RBFOX1: variants seen among roughly 807,000 people sequenced by gnomAD.
RBFOX1 encodes RNA binding fox-1 homolog 1.
Under a neutral mutation model 57.7 loss-of-function variants are expected in RBFOX1, and 8 were observed. That is an observed-to-expected ratio of 0.14 (90% CI 0.08 to 0.25). The LOEUF is 0.25. Ranked by LOEUF, RBFOX1 falls within the 10% of genes least tolerant of loss-of-function variation. The pLI, the probability that RBFOX1 is intolerant of heterozygous loss-of-function variation, is 1.00. For synonymous variants in RBFOX1, 326 were observed against 222.4 expected (o/e 1.47, Z -4.15); for missense variants, 611 against 548.5 (o/e 1.11, Z -1.14).
At chr16:6,124,944 C>T (rs1329394917) in intron 1 of RBFOX1, among the ~76,000 whole-genome samples, 1 of 152,158 alleles carries the variant, frequency 6.6e-6, no homozygotes, top group Non-Finnish European at 1.5e-5. Flanking sequence ...CCAGCCTTAC[C>T]ATTTGGTGAA....
chr16:5,963,528 T>G (rs936664297), intron 4 of RBFOX1, among the ~76,000 whole-genome samples: 5 of 152,136 alleles, frequency 3.3e-5, no homozygotes, highest in Admixed American at 1.3e-4. Context: ...TTATAGTAAT[T>G]AAAACACTAT....
intron 3 of RBFOX1, among the ~76,000 whole-genome samples, chr16:6,854,914 T>A (rs1258920580): frequency 6.6e-6 from 1 of 151,976 alleles, no homozygotes; most frequent in Non-Finnish European, 1.5e-5. Flanking sequence ...ATTTTTTTAT[T>A]CTGGTTTCTA....
intron 3 of RBFOX1, among the ~76,000 whole-genome samples, chr16:6,997,560 A>G (rs1293618627): frequency 6.6e-6 from 1 of 152,156 alleles, no homozygotes; most frequent in Non-Finnish European, 1.5e-5. Context: ...GTGTATGCAA[A>G]TTGCACAGCC....
At chr16:6,071,227 G>A (rs889543332) in intron 1 of RBFOX1, among the ~76,000 whole-genome samples, 3 of 152,108 alleles carry the variant, frequency 2.0e-5, no homozygotes, top group Non-Finnish European at 4.4e-5. Flanking sequence ...AGGCTGAGAT[G>A]GGAGGATCGT....
rs140090450 is a variant in RBFOX1 at position 7,645,795 on chromosome 16, T to C, written c.758-8020T>C. On this transcript the variant is annotated intron_variant, in intron 11 of 15. Transcript: ENST00000550418. ...CAGCAGTATTTAATATCAACATGCA[T>C]TTCATACTGAAACAAGGGTCAATCC... is the stretch of plus-strand genomic sequence containing the variant. Among the ~76,000 whole-genome samples the C allele has an allele frequency of 1.2e-4, 18 of 152,334 alleles. 1 individual carries two copies. The highest frequency in any genetic ancestry group is 4.1e-4 in the South Asian group (2 of 4,828).
At chr16:7,152,766 C>T (rs2076339027) in intron 4 of RBFOX1, among the ~76,000 whole-genome samples, 1 of 152,108 alleles carries the variant, frequency 6.6e-6, no homozygotes, top group African/African-American at 2.4e-5. Context: ...TAATGGGGTC[C>T]AGGTACGATA....
chr16:6,643,701 A>G (rs890230397), intron 2 of RBFOX1, among the ~76,000 whole-genome samples: 1 of 152,128 alleles, frequency 6.6e-6, no homozygotes, highest in Non-Finnish European at 1.5e-5. Flanking sequence ...GCTTTTAATC[A>G]TCGGAGTGGT....
intron 4 of RBFOX1, among the ~76,000 whole-genome samples, chr16:7,209,745 C>G (rs1425113635): frequency 6.6e-6 from 1 of 152,164 alleles, no homozygotes; most frequent in Non-Finnish European, 1.5e-5. Flanking sequence ...GGGCAGGAGT[C>G]TTGTCTGAGT....
chr16:7,034,501 C>G (rs113959280), intron 3 of RBFOX1, among the ~76,000 whole-genome samples: 2 of 152,168 alleles, frequency 1.3e-5, no homozygotes, highest in African/African-American at 4.8e-5. Flanking sequence ...CCATCTATCT[C>G]TAGGGCACTT....
At chr16:7,498,527 G>A (rs764020434) in intron 4 of RBFOX1, among the ~76,000 whole-genome samples, 1 of 152,040 alleles carries the variant, frequency 6.6e-6, no homozygotes, top group Non-Finnish European at 1.5e-5. Flanking sequence ...TATTCAAGCA[G>A]ATATATCCCA....
intron 1 of RBFOX1, among the ~76,000 whole-genome samples, chr16:6,283,426 A>T (rs560168031): frequency 2.1e-4 from 32 of 152,174 alleles, no homozygotes; most frequent in Non-Finnish European, 3.8e-4. Context: ...TTCTGTTTTT[A>T]TCCCAGTCCT....
intron 4 of RBFOX1, among the ~76,000 whole-genome samples, chr16:7,323,980 T>C (rs554293667): frequency 6.6e-6 from 1 of 152,236 alleles, no homozygotes; most frequent in East Asian, 1.9e-4. Flanking sequence ...TCAAATCAGT[T>C]TTGGAAAGTC....
At chr16:5,356,962 G>A (rs1343498697) in intron 1 of RBFOX1, among the ~76,000 whole-genome samples, 1 of 152,284 alleles carries the variant, frequency 6.6e-6, no homozygotes, top group East Asian at 1.9e-4. Context: ...AAGCCTCACA[G>A]GTACCCAGTG....
At chr16:7,629,919 C>T (rs921735426) in intron 10 of RBFOX1, among the ~76,000 whole-genome samples, 5 of 152,198 alleles carry the variant, frequency 3.3e-5, no homozygotes, top group African/African-American at 2.4e-5. Flanking sequence ...ATTCTCTCAT[C>T]CAGTGTCCAG....
At chr16:6,349,903 T>C (rs2085996861) in intron 2 of RBFOX1, among the ~76,000 whole-genome samples, 2 of 152,194 alleles carry the variant, frequency 1.3e-5, no homozygotes, top group South Asian at 4.1e-4. Context: ...AACTCGTGTC[T>C]TCTACAGGGG....
intron 2 of RBFOX1, among the ~76,000 whole-genome samples, chr16:6,596,615 G>C (rs2097779114): frequency 7.0e-6 from 1 of 143,286 alleles, no homozygotes; most frequent in Admixed American, 6.7e-5. Flanking sequence ...AAAAGTCTCA[G>C]CTGGAAAATA....
At chr16:6,135,381 A>C (rs556267999) in intron 1 of RBFOX1, among the ~76,000 whole-genome samples, 1 of 152,330 alleles carries the variant, frequency 6.6e-6, no homozygotes, top group African/African-American at 2.4e-5. Flanking sequence ...CATAGAATTC[A>C]GTGCAGGTAT....
chr16:6,546,787 C>G (rs931928550), intron 2 of RBFOX1, among the ~76,000 whole-genome samples: 1 of 152,152 alleles, frequency 6.6e-6, no homozygotes, highest in Non-Finnish European at 1.5e-5. Context: ...ATATCCTATT[C>G]CATTTTCACA....
At chr16:6,247,018 C>A (rs181166956) in intron 1 of RBFOX1, among the ~76,000 whole-genome samples, 2 of 152,102 alleles carry the variant, frequency 1.3e-5, no homozygotes, top group African/African-American at 4.8e-5. Context: ...TGTGGTGAGT[C>A]GAGATTGCAC....
Sources: gnomAD v4.1 joint callset for allele counts (sites outside exome capture counted in the v4.1 genomes callset) on GRCh38, gnomAD v4.1.1 for gene constraint, MANE v1.5 for transcripts, NCBI Gene and HGNC (gene_info 2026-07-23, HGNC 2026-07-21) for gene names.